Variants in CCDC7 observed in about 807,000 individuals in gnomAD.
CCDC7 encodes coiled-coil domain containing 7.
A neutral mutation model predicts 196.9 loss-of-function variants in CCDC7; 183 were observed. That is an observed-to-expected ratio of 0.93 (90% CI 0.82 to 1.05). The LOEUF (loss-of-function observed/expected upper bound fraction) is 1.05, where lower values mean the gene tolerates loss of function less well. Ranked by LOEUF, CCDC7 falls within the 50% of genes least tolerant of loss-of-function variation. The pLI is 0.00. For synonymous variants in CCDC7, 525 were observed against 484.6 expected, an observed-to-expected ratio of 1.08 and a Z score of -1.10; for missense variants, 1,540 against 1,482.2, an observed-to-expected ratio of 1.04 and a Z score of -0.64.
chr10:32,567,464 G>A (rs2056992863), intron 14 of CCDC7, among the ~76,000 whole-genome samples: 1 of 152,062 alleles, frequency 6.6e-6, no homozygotes, highest in Admixed American at 6.6e-5. Context: ...CTCAAAGGTG[G>A]AAGAGGTTTC....
chr10:32,728,250 C>T (rs949976532), intron 26 of CCDC7, among the ~76,000 whole-genome samples: 5 of 152,088 alleles, frequency 3.3e-5, no homozygotes, highest in African/African-American at 1.2e-4. Flanking sequence ...AAAGTGATCT[C>T]AGAAGGTTCT....
rs949397326 is a variant in CCDC7, at chr10:32,655,603, T to C, written c.2015-8451T>C. On this transcript the variant is annotated intron_variant, in intron 20 of 41. Transcript: ENST00000639629. ...GTGCAGTGGTGTGATCTTGGCTCACTGCAACCTCCACATTCTGGGTTCAAG... is the reference window on the plus strand; with the variant it reads ...GTGCAGTGGTGTGATCTTGGCTCACCGCAACCTCCACATTCTGGGTTCAAG... Among the ~76,000 whole-genome samples the C allele has an allele frequency of 3.4e-4, 52 of 152,172 alleles. 2 individuals are homozygous for C. Among genetic ancestry groups the C allele is most frequent in the Non-Finnish European group, 4.4e-5 (3 of 68,034 alleles).
chr10:32,814,277 A>AAC (rs1183635757), intron 30 of CCDC7, 93 bp from the exon 32 acceptor site: 4 of 893,956 alleles, frequency 4.5e-6, no homozygotes, highest in South Asian at 1.5e-5. Flanking sequence ...TTAAGTTAGT[A>AAC]ACACACACAC....
At chr10:32,868,368 TG>T (rs1228943912) in intron 41 of CCDC7, among the ~76,000 whole-genome samples, 4 of 152,002 alleles carry the variant, frequency 2.6e-5, no homozygotes, top group African/African-American at 9.7e-5. Context: ...CATTTTCCTC[TG>T]TATCTACTCA....
At chr10:32,681,090 T>C (rs1433003490) in intron 21 of CCDC7, among the ~76,000 whole-genome samples, 2 of 152,248 alleles carry the variant, frequency 1.3e-5, no homozygotes, top group Non-Finnish European at 2.9e-5. Flanking sequence ...ACAAAAGATC[T>C]CTTCAAGAAA....
intron 33 of CCDC7, 29 bp from the exon 35 acceptor site, chr10:32,845,214 A>G (rs2093212484): frequency 7.3e-7 from 1 of 1,366,494 alleles, no homozygotes; most frequent in South Asian, 1.3e-5. Flanking sequence ...ACCTTTCAAA[A>G]TATATTGATA....
At chr10:32,489,475 A>G (rs1044758377) in intron 8 of CCDC7, among the ~76,000 whole-genome samples, 1 of 152,186 alleles carries the variant, frequency 6.6e-6, no homozygotes, top group Non-Finnish European at 1.5e-5. Context: ...GTTGCAGCCC[A>G]CATGTGTACT....
At chr10:32,712,285 CATT>C (rs2080959524) in intron 25 of CCDC7, among the ~76,000 whole-genome samples, 1 of 152,130 alleles carries the variant, frequency 6.6e-6, no homozygotes, top group Admixed American at 6.5e-5. Context: ...TTATTGCTCA[CATT>C]ATTTTTACTT....
chr10:32,563,343 T>A (rs2056131823), intron 13 of CCDC7, among the ~76,000 whole-genome samples: 1 of 152,056 alleles, frequency 6.6e-6, no homozygotes, highest in South Asian at 2.1e-4. Context: ...CATTGCCAAG[T>A]CAATCCTAAG....
In CCDC7 at chr10:32,603,093, G is replaced by A. The variant is rs1028166872; in HGVS notation, c.1801+18789G>A. Among the ~76,000 whole-genome samples, 6 of 151,396 alleles carry A rather than the reference G, an allele frequency of 4.0e-5. No individual in the cohort carries two copies. In the East Asian group the frequency reaches 9.7e-4, roughly 24 times the overall value. On this transcript the variant is annotated intron_variant, in intron 18 of 41. Coordinates refer to ENST00000639629, the Ensembl canonical transcript of CCDC7. ...GTGTTTTAACGCATTAGCTAATGTCGCTTCATTCTCCCACCCCTTCCCAGG... is the reference window on the plus strand; with the variant it reads ...GTGTTTTAACGCATTAGCTAATGTCACTTCATTCTCCCACCCCTTCCCAGG...
intron 8 of CCDC7, among the ~76,000 whole-genome samples, chr10:32,477,404 T>TGTTG (rs2039193713): frequency 6.6e-6 from 1 of 152,120 alleles, no homozygotes; most frequent in Admixed American, 6.5e-5. Context: ...GGTTTCACCA[T>TGTTG]GTTGGTCAGG....
intron 21 of CCDC7, among the ~76,000 whole-genome samples, chr10:32,685,702 A>C (rs909510517): frequency 1.3e-5 from 2 of 152,198 alleles, no homozygotes; most frequent in Non-Finnish European, 2.9e-5. Flanking sequence ...CATCTATATG[A>C]TCTATACAAT....
exon 1 of CCDC7, chr10:32,451,815 C>A: frequency 6.2e-7 from 1 of 1,614,192 alleles, no homozygotes; most frequent in Non-Finnish European, 8.5e-7. Context: ...TCTCCACCAA[C>A]AGGAGAATCC....
intron 21 of CCDC7, among the ~76,000 whole-genome samples, chr10:32,675,165 C>G (rs2074716168): frequency 3.9e-5 from 6 of 151,910 alleles, no homozygotes. Flanking sequence ...TATAGCTGTG[C>G]CCTATCTTCC....
exon 9 of CCDC7, chr10:32,491,935 A>G: frequency 6.3e-7 from 1 of 1,575,560 alleles, no homozygotes; most frequent in Non-Finnish European, 8.6e-7. Flanking sequence ...CTGCTCATTC[A>G]ATGACTAATC....
chr10:32,640,807 T>C, intron 20 of CCDC7, among the ~76,000 whole-genome samples: 1 of 151,624 alleles, frequency 6.6e-6, no homozygotes, highest in East Asian at 1.9e-4. Flanking sequence ...GGTTGAAAAT[T>C]CTTTTCTTTA....
intron 21 of CCDC7, among the ~76,000 whole-genome samples, chr10:32,665,394 A>G (rs1004471401): frequency 5.3e-5 from 8 of 152,018 alleles, no homozygotes; most frequent in African/African-American, 1.7e-4. Context: ...CCAGATCAAC[A>G]TAATTGAGTG....
At chr10:32,632,149 G>T (rs1281581317) in intron 18 of CCDC7, among the ~76,000 whole-genome samples, 2 of 137,190 alleles carry the variant, frequency 1.5e-5, no homozygotes, top group Non-Finnish European at 3.1e-5. Flanking sequence ...TGGGGGGGGG[G>T]GGGTCTAATT....
chr10:32,634,505 T>C (rs747010518), intron 19 of CCDC7, 141 bp downstream of exon 20: 6 of 326,996 alleles, frequency 1.8e-5, no homozygotes, highest in Non-Finnish European at 3.2e-5. Flanking sequence ...GAAGCGATTC[T>C]CCTGCCCCAG....
Sources: allele counts gnomAD v4.1 joint callset (sites outside exome capture counted in the v4.1 genomes callset), GRCh38; gene constraint gnomAD v4.1.1; transcripts MANE v1.5; gene names NCBI Gene and HGNC (gene_info 2026-07-23, HGNC 2026-07-21).